Variants in RAET1E observed in about 807,000 individuals in gnomAD.
RAET1E encodes NKG2D ligand 4.
A neutral mutation model predicts 21.1 loss-of-function variants in RAET1E; 27 were observed. The ratio of observed to expected loss-of-function variants is 1.28; its 90% CI spans 0.94 to 1.76. RAET1E has a LOEUF of 1.76. Ranked by LOEUF, RAET1E falls within the 40% of genes most tolerant of loss-of-function variation. RAET1E has a pLI of 0.00. For synonymous variants in RAET1E, 113 were observed against 115.0 expected (o/e 0.98, Z 0.11); for missense variants, 310 against 311.3 (o/e 1.00, Z 0.03).
At chr6:149,888,942 T>A (rs1157907017) in intron 5 of RAET1E, among the ~76,000 whole-genome samples, 1 of 152,090 alleles carries the variant, frequency 6.6e-6, no homozygotes, top group African/African-American at 2.4e-5. Context: ...GTTAGAACTG[T>A]TTGGAGGATG....
In RAET1E at chr6:149,884,362, G is replaced by T. The variant is rs554031277; in HGVS notation, c.*4136C>A. ...TCTGTTGCCAAGACTGGAATGCAGA[G>T]GCGCGATCTCCGCTCATTGCAGGCT... On this transcript the variant is annotated 3_prime_UTR_variant, in exon 6 of 6. Coordinates refer to ENST00000357183, the MANE Select transcript of RAET1E (RefSeq NM_001394057.1). 9 of 905,328 alleles carry T rather than the reference G, an allele frequency of 9.9e-6. No homozygotes were observed. The East Asian group carries it at 2.4e-4, about 24-fold the overall frequency. The allele number at this position is 905,328 out of a possible 1,614,324, so 56.1% of individuals were successfully genotyped here.
intron 2 of RAET1E, chr6:149,895,451 C>T (rs1778077879): frequency 3.3e-5 from 5 of 152,362 alleles, no homozygotes; most frequent in South Asian, 4.1e-4. Flanking sequence ...CAGTGGGCTC[C>T]GCCCAGTTCC....
Position 149,888,669 on chromosome 6 carries a change from TAAAAAAA to T in RAET1E, c.623-9_623-3del, listed in dbSNP as rs3036672. 1 of 1,336,466 alleles carries T rather than the reference TAAAAAAA, an allele frequency of 7.5e-7. No homozygotes were observed. The highest frequency in any genetic ancestry group is 2.0e-5 in the African/African-American group (1 of 49,964). 82.8% of individuals were successfully genotyped at this position (1,336,466 alleles called of 1,614,324 possible). ...TATCTGAAGCATTTACTGGTGACAC[TAAAAAAA>T]AAAAAAAAAAGAAAAAAAAGCACAA... On this transcript the variant is annotated splice_polypyrimidine_tract_variant and splice_region_variant and intron_variant, in intron 5 of 5. Coordinates refer to ENST00000357183, the MANE Select transcript of RAET1E (RefSeq NM_001394057.1).
rs940910587 is a variant in RAET1E, at chr6:149,887,954, C to A, written c.*544G>T. Among the ~76,000 whole-genome samples the A allele has an allele frequency of 1.3e-5, 2 of 152,146 alleles. No homozygotes were observed. Among genetic ancestry groups the A allele is most frequent in the Non-Finnish European group, 2.9e-5 (2 of 68,034 alleles). ...GTGTTGGCTCCCCCTGTAATCCCAG[C>A]GCTTTGGGAGGCCGAGGCGGGAGCA... On this transcript the variant is annotated 3_prime_UTR_variant, in exon 6 of 6. Transcript: ENST00000357183.
rs1777598267 is a variant in RAET1E at position 149,886,108 on chromosome 6, T to A, written c.*2390A>T. ...AAAATTTGGCAGCAATGATGCACGG[T>A]GATTCAGAGATCAAAAAGTTCAGTG... is the stretch of plus-strand genomic sequence containing the variant. On this transcript the variant is annotated 3_prime_UTR_variant, in exon 6 of 6. Transcript: ENST00000357183. Among the ~76,000 whole-genome samples, 1 of 152,190 alleles carries A rather than the reference T, an allele frequency of 6.6e-6. No homozygotes were observed. Among genetic ancestry groups the A allele is most frequent in the African/African-American group, 2.4e-5 (1 of 41,432 alleles).
At chr6:149,888,754 C>A in intron 5 of RAET1E, 87 bp from the exon 6 acceptor site, 2 of 1,483,870 alleles carry the variant, frequency 1.3e-6, no homozygotes, top group South Asian at 1.3e-5. Flanking sequence ...TTAGCCCCTG[C>A]TTTCCCCAGG....
At position 149,888,646 on chromosome 6, in the gene RAET1E, T is replaced by G; in HGVS notation, c.644A>C (p.Asp215Ala). 6.3e-7 allele frequency: 1 copy of G among 1,590,130 alleles called. No individual in the cohort carries two copies. Among genetic ancestry groups the G allele is most frequent in the Non-Finnish European group, 8.5e-7 (1 of 1,175,586 alleles). ...TAGACTAGAAGAAGACCAGTGGATA[T>G]CTGAAGCATTTACTGGTGACACTAA... is the stretch of plus-strand genomic sequence containing the variant. Reference protein sequence around the residue: ...EPTVSPVNASDIHWSSSSLPD... With the variant: ...EPTVSPVNASAIHWSSSSLPD... Residue 215 changes from aspartate (D) to alanine (A), a missense_variant, in exon 6 of 6, where the codon GAT becomes GCT. Asp to Ala is a moderately radical substitution (Grantham distance 126, BLOSUM62 -2). Coordinates refer to ENST00000357183, the MANE Select transcript of RAET1E (RefSeq NM_001394057.1).
At position 149,889,969 on chromosome 6, in the gene RAET1E, C is replaced by T; in HGVS notation, c.262G>A (p.Gly88Arg). ...GKKVYATSTW[G>R]ELTQTLGEVG... Reference sequence around the variant, plus strand: ...TCTCCCAGCGTTTGGGTCAATTCTCCCCAAGTGCTGGTGGCATATACCTTC... The same window carrying T: ...TCTCCCAGCGTTTGGGTCAATTCTCTCCAAGTGCTGGTGGCATATACCTTC... Residue 88 changes from glycine to arginine, a missense_variant, in exon 4 of 6, where the codon GGA (glycine) becomes AGA (arginine). Transcript: ENST00000357183. The T allele has an allele frequency of 1.9e-6, 3 of 1,614,100 alleles. No individual in the cohort carries two copies. Among genetic ancestry groups the T allele is most frequent in the South Asian group, 2.2e-5 (2 of 91,078 alleles).
rs1777564709 is a variant in RAET1E, at chr6:149,885,388, G to T, written c.*3110C>A. On this transcript the variant is annotated 3_prime_UTR_variant, in exon 6 of 6. Transcript: ENST00000357183. Reference sequence around the variant, plus strand: ...GCCAGGGACAGAGAGGGCTCAACTTGACCCAGAGCTAAGCCTCTCAGGTCG... The same window carrying T: ...GCCAGGGACAGAGAGGGCTCAACTTTACCCAGAGCTAAGCCTCTCAGGTCG... Among the ~76,000 whole-genome samples the T allele has an allele frequency of 2.0e-5, 3 of 152,266 alleles. No homozygotes were observed. In the South Asian group the frequency reaches 6.2e-4, roughly 32 times the overall value.
chr6:149,884,246 G>A lies in RAET1E; in HGVS notation c.*4252C>T, dbSNP rs1056996861. ...TCCTGCCTAGGCCTCCCAAAGTGTT[G>A]GGATTATAGATGTGAGCTGCTGTGC... On this transcript the variant is annotated 3_prime_UTR_variant, in exon 6 of 6. Coordinates refer to ENST00000357183, the MANE Select transcript of RAET1E (RefSeq NM_001394057.1). The A allele has an allele frequency of 6.0e-5, 29 of 483,216 alleles. No homozygotes were observed. The highest frequency in any genetic ancestry group is 1.4e-4 in the South Asian group (5 of 34,868). The allele number at this position is 483,216 out of a possible 1,614,324, so 29.9% of individuals were successfully genotyped here. A position where few individuals can be genotyped will look rare whatever the true frequency, so the allele number is the denominator to read the frequency against.
chr6:149,884,746 A>G lies in RAET1E; in HGVS notation c.*3752T>C, dbSNP rs1441681882. ...TCAGAGCCAAGGAAGGCAAAGTATC[A>G]GTGGGAACACAGTGGGAAGGCCCAC... On this transcript the variant is annotated 3_prime_UTR_variant, in exon 6 of 6. Coordinates refer to ENST00000357183, the MANE Select transcript of RAET1E (RefSeq NM_001394057.1). Among the ~76,000 whole-genome samples the G allele has an allele frequency of 1.3e-5, 2 of 152,216 alleles. No homozygotes were observed. The highest frequency in any genetic ancestry group is 1.3e-4 in the Admixed American group (2 of 15,288).
Position 149,889,375 on chromosome 6 carries a change from G to A in RAET1E, c.595C>T (p.His199Tyr), listed in dbSNP as rs1157401999. 4 of 1,614,126 alleles carry A rather than the reference G, an allele frequency of 2.5e-6. No homozygotes were observed. The Admixed American group carries it at 5.0e-5, about 20-fold the overall frequency. Residue 199 changes from histidine to tyrosine, a missense_variant, in exon 5 of 6, where the codon CAC becomes TAC. Physicochemically the swap from His to Tyr is moderately conservative, Grantham distance 83. Transcript: ENST00000357183. The part of the protein sequence containing the change: ...CDHWLREFLG[H>Y]WEAMPEPTVS... ...GTCGGTTCTGGCATTGCCTCCCAGTGCCCTAAGAATTCCCTGAGCCAGTGA... is the reference window on the plus strand; with the variant it reads ...GTCGGTTCTGGCATTGCCTCCCAGTACCCTAAGAATTCCCTGAGCCAGTGA...
chr6:149,889,993 T>A lies in RAET1E; in HGVS notation c.238A>T (p.Lys80Ter). The A allele has an allele frequency of 6.2e-7, 1 of 1,614,156 alleles. No homozygotes were observed. Among genetic ancestry groups the A allele is most frequent in the Non-Finnish European group, 8.5e-7 (1 of 1,180,024 alleles). ...MVKPLGLLGK[K>*]VYATSTWGEL... Reference sequence around the variant, plus strand: ...CCCCAAGTGCTGGTGGCATATACCTTCTTCCCCAGGAGGCCCAGAGGTTTG... The same window carrying A: ...CCCCAAGTGCTGGTGGCATATACCTACTTCCCCAGGAGGCCCAGAGGTTTG... Residue 80 changes from lysine to a stop codon, truncating the protein, a stop_gained, in exon 4 of 6, where the codon AAG (lysine) becomes TAG (stop). Coordinates refer to ENST00000357183, the MANE Select transcript of RAET1E (RefSeq NM_001394057.1). LOFTEE classifies it high-confidence loss of function.
At chr6:149,893,831 T>G (rs1478492758) in intron 2 of RAET1E, among the ~76,000 whole-genome samples, 1 of 152,232 alleles carries the variant, frequency 6.6e-6, no homozygotes, top group Non-Finnish European at 1.5e-5. Context: ...TGATATTGGC[T>G]GTGGGTTTGT....
In RAET1E at chr6:149,886,603, C is replaced by T. The variant is rs1295831161; in HGVS notation, c.*1895G>A. ...AGAGACAGGGTTTCGCCATGTTGGC[C>T]AGGCTGGTCTCGAACTCCTGACCTC... On this transcript the variant is annotated 3_prime_UTR_variant, in exon 6 of 6. Coordinates refer to ENST00000357183, the MANE Select transcript of RAET1E (RefSeq NM_001394057.1). Among the ~76,000 whole-genome samples the T allele has an allele frequency of 6.6e-6, 1 of 152,206 alleles. No homozygotes were observed. Among genetic ancestry groups the T allele is most frequent in the Non-Finnish European group, 1.5e-5 (1 of 68,038 alleles).
At chr6:149,890,737 G>T in intron 3 of RAET1E, 80 bp downstream of exon 3, 2 of 940,734 alleles carry the variant, frequency 2.1e-6, no homozygotes, top group East Asian at 2.4e-5. Context: ...TCTGAAGCCT[G>T]CATGAAGCCC....
chr6:149,891,015 T>A lies in RAET1E; in HGVS notation c.-114A>T, dbSNP rs1777870767. ...TGGGCACTGCCCAAATTCTTTACCC[T>A]GGAACAACTGAGGTCAGGCCTGTAG... is the stretch of plus-strand genomic sequence containing the variant. On this transcript the variant is annotated 5_prime_UTR_variant, in exon 3 of 6. Coordinates refer to ENST00000357183, the MANE Select transcript of RAET1E (RefSeq NM_001394057.1). 4 of 733,528 alleles carry A rather than the reference T, an allele frequency of 5.5e-6. No individual in the cohort carries two copies. Among genetic ancestry groups the A allele is most frequent in the Non-Finnish European group, 9.7e-6 (4 of 413,386 alleles). The allele number at this position is 733,528 out of a possible 1,614,324, so 45.4% of individuals were successfully genotyped here. A position where few individuals can be genotyped will look rare whatever the true frequency, so the allele number is the denominator to read the frequency against.
At chr6:149,889,794 C>A in intron 4 of RAET1E, 91 bp downstream of exon 4, 1 of 1,525,376 alleles carries the variant, frequency 6.6e-7, no homozygotes, top group Non-Finnish European at 8.9e-7. Flanking sequence ...ATGATCAATA[C>A]ACAGATATAC....
At chr6:149,892,213 G>A (rs1393106092) in intron 2 of RAET1E, among the ~76,000 whole-genome samples, 4 of 152,172 alleles carry the variant, frequency 2.6e-5, no homozygotes, top group South Asian at 2.1e-4. Context: ...AATCCTTTGG[G>A]TATATACCCA....
Sources: gnomAD v4.1 joint callset for allele counts (sites outside exome capture counted in the v4.1 genomes callset) on GRCh38, gnomAD v4.1.1 for gene constraint, MANE v1.5 for transcripts, NCBI Gene and HGNC (gene_info 2026-07-23, HGNC 2026-07-21) for gene names.